Variants in OPCML observed in about 807,000 individuals in gnomAD.
OPCML encodes opioid-binding protein/cell adhesion molecule.
OPCML carries 13 observed loss-of-function variants against 37.8 expected under a neutral mutation model. That is an observed-to-expected ratio of 0.34 (90% confidence interval 0.22 to 0.55). The LOEUF is 0.55. Among genes scored for constraint, OPCML ranks in the 20% least tolerant of loss-of-function variants. The probability of loss-of-function intolerance (pLI) is 0.91; values close to 1 mark genes in which losing one functional copy is unlikely to be tolerated. For missense variants in OPCML, 341 were observed against 435.6 expected (o/e 0.78, Z 1.93); for synonymous variants, 176 against 168.8 (o/e 1.04, Z -0.33).
intron 1 of OPCML, among the ~76,000 whole-genome samples, chr11:133,370,673 G>C (rs1944654904): frequency 1.3e-5 from 2 of 151,940 alleles, no homozygotes; most frequent in South Asian, 4.2e-4. Context: ...ATCAACTCAA[G>C]ATGGTATAAA....
chr11:132,590,836 G>A (rs891096564), intron 3 of OPCML, among the ~76,000 whole-genome samples: 8 of 152,080 alleles, frequency 5.3e-5, no homozygotes, highest in African/African-American at 1.7e-4. Flanking sequence ...CTTTCGTCCT[G>A]GAGATTCTGG....
intron 1 of OPCML, chr11:133,420,691 G>C: frequency 1.0e-6 from 1 of 985,376 alleles, no homozygotes; most frequent in Non-Finnish European, 1.2e-6. Context: ...GATGCATCTA[G>C]GCCTACCCTA....
intron 2 of OPCML, among the ~76,000 whole-genome samples, chr11:132,914,578 C>T (rs1451233746): frequency 1.3e-5 from 2 of 152,304 alleles, no homozygotes; most frequent in East Asian, 3.9e-4. Flanking sequence ...AAACCAGAGT[C>T]CCAGCAGAGA....
chr11:132,821,742 C>A (rs2136249917), intron 2 of OPCML, among the ~76,000 whole-genome samples: 1 of 152,254 alleles, frequency 6.6e-6, no homozygotes, highest in East Asian at 1.9e-4. Flanking sequence ...ATCTTCCCCC[C>A]TCTTTCCATC....
chr11:132,975,890 C>T (rs1591868639), intron 1 of OPCML, among the ~76,000 whole-genome samples: 1 of 152,172 alleles, frequency 6.6e-6, no homozygotes. Flanking sequence ...CCTGCCTCAG[C>T]CTCCCAAGTA....
chr11:133,180,128 G>A (rs1227197162), intron 1 of OPCML, among the ~76,000 whole-genome samples: 4 of 152,190 alleles, frequency 2.6e-5, no homozygotes, highest in African/African-American at 7.2e-5. Flanking sequence ...TGAAAGAACC[G>A]TAGGAAGCAT....
intron 2 of OPCML, among the ~76,000 whole-genome samples, chr11:132,735,981 G>A (rs1008320815): frequency 6.6e-6 from 1 of 152,124 alleles, no homozygotes. Flanking sequence ...GAGCCCAGAC[G>A]ACAGAGCTAA....
chr11:133,143,409 C>A (rs1233012573), intron 1 of OPCML, among the ~76,000 whole-genome samples: 1 of 152,158 alleles, frequency 6.6e-6, no homozygotes, highest in Non-Finnish European at 1.5e-5. Flanking sequence ...ACCAACATGA[C>A]CTAGAAACAT....
rs1020946692 is a variant in OPCML, at chr11:132,476,768, C to G, written c.506-39409G>C. The stretch of plus-strand genomic sequence containing the variant: ...TGACGAGTTAATGGGTGCAGCACAC[C>G]AACATGGCACATGTATACATATGTA... On this transcript the variant is annotated intron_variant, in intron 4 of 7. Transcript: ENST00000524381. 2.7e-5 allele frequency among the ~76,000 whole-genome samples: 4 copies of G among 150,750 alleles called. No individual in the cohort carries two copies. In the East Asian group the frequency reaches 7.8e-4, roughly 29 times the overall value.
At chr11:133,042,392 C>T (rs1016691784) in intron 1 of OPCML, among the ~76,000 whole-genome samples, 3 of 152,226 alleles carry the variant, frequency 2.0e-5, no homozygotes, top group Non-Finnish European at 4.4e-5. Context: ...CAGATGCATT[C>T]TCAGTCTTTG....
intron 1 of OPCML, among the ~76,000 whole-genome samples, chr11:133,244,374 C>G (rs1349452387): frequency 6.6e-6 from 1 of 151,936 alleles, no homozygotes; most frequent in African/African-American, 2.4e-5. Flanking sequence ...CCAAGCACCC[C>G]CAAAATGTTA....
intron 1 of OPCML, among the ~76,000 whole-genome samples, chr11:133,335,721 A>G (rs1310358306): frequency 1.3e-5 from 2 of 152,184 alleles, no homozygotes; most frequent in Non-Finnish European, 2.9e-5. Context: ...TGTCTTGGAC[A>G]ATTAACCGGG....
chr11:132,886,262 A>G (rs1180007130), intron 2 of OPCML, among the ~76,000 whole-genome samples: 2 of 152,208 alleles, frequency 1.3e-5, no homozygotes, highest in East Asian at 3.9e-4. Context: ...CAGTCGTTAA[A>G]TAACAAGCCT....
At chr11:133,123,344 A>G (rs1365473462) in intron 1 of OPCML, among the ~76,000 whole-genome samples, 1 of 152,182 alleles carries the variant, frequency 6.6e-6, no homozygotes. Flanking sequence ...AGAAATTCTC[A>G]TGCTAGGGAC....
At chr11:133,118,221 C>T (rs1265979229) in intron 1 of OPCML, 1 of 985,146 alleles carries the variant, frequency 1.0e-6, no homozygotes, top group African/African-American at 1.7e-5. Context: ...CTTTCTGGGA[C>T]TCTCTACTGA....
At chr11:132,476,273 T>C (rs564219615) in intron 4 of OPCML, among the ~76,000 whole-genome samples, 2 of 152,172 alleles carry the variant, frequency 1.3e-5, no homozygotes, top group South Asian at 4.1e-4. Context: ...ACTGTGGAAG[T>C]CAGTGTGGCG....
rs1351889602 is a variant in OPCML at position 133,282,332 on chromosome 11, C to T, written c.61+249932G>A. ...GGCTGCTCCAGCTCCAGCTGTGGCT[C>T]TAAGGGCCCTAGGTACAGCTCTGAC... On this transcript the variant is annotated intron_variant, in intron 1 of 7. Transcript: ENST00000524381. 2.6e-5 allele frequency among the ~76,000 whole-genome samples: 4 copies of T among 152,204 alleles called. No individual in the cohort carries two copies. The East Asian group carries it at 5.8e-4, about 22-fold the overall frequency.
At chr11:132,434,074 T>C (rs2136722348) in intron 7 of OPCML, among the ~76,000 whole-genome samples, 1 of 152,288 alleles carries the variant, frequency 6.6e-6, no homozygotes, top group East Asian at 1.9e-4. Flanking sequence ...TGCCCTTCTC[T>C]GCATCATACT....
At chr11:132,948,990 G>A (rs543879779) in intron 1 of OPCML, among the ~76,000 whole-genome samples, 2 of 152,332 alleles carry the variant, frequency 1.3e-5, no homozygotes, top group South Asian at 4.1e-4. Context: ...CCAGAGAAAA[G>A]TAATTATGAA....
Sources: gnomAD v4.1 joint callset for allele counts (sites outside exome capture counted in the v4.1 genomes callset) on GRCh38, gnomAD v4.1.1 for gene constraint, MANE v1.5 for transcripts, NCBI Gene and HGNC (gene_info 2026-07-23, HGNC 2026-07-21) for gene names.